Variants in WNT3A observed in about 807,000 individuals in gnomAD.
WNT3A encodes Wnt family member 3A.
A neutral mutation model predicts 37.0 loss-of-function variants in WNT3A; 17 were observed. That is an observed-to-expected ratio of 0.46 (90% CI 0.31 to 0.69). The LOEUF (loss-of-function observed/expected upper bound fraction) is 0.69, where lower values mean the gene tolerates loss of function less well. Among genes scored for constraint, WNT3A ranks in the 30% least tolerant of loss-of-function variants. The probability of loss-of-function intolerance (pLI) is 0.05; values close to 1 mark genes in which losing one functional copy is unlikely to be tolerated. For synonymous variants in WNT3A, 187 were observed against 211.0 expected, an observed-to-expected ratio of 0.89 and a Z score of 0.99; for missense variants, 411 against 510.2, an observed-to-expected ratio of 0.81 and a Z score of 1.87.
Position 228,015,519 on chromosome 1 carries a change from C to T in WNT3A, c.72-7148C>T, listed in dbSNP as rs1306241452. Among the ~76,000 whole-genome samples the T allele has an allele frequency of 7.9e-5, 12 of 152,264 alleles. No individual in the cohort carries two copies. In the East Asian group the frequency reaches 1.5e-3, roughly 20 times the overall value. On this transcript the variant is annotated intron_variant, in intron 1 of 3. Coordinates refer to ENST00000284523, the MANE Select transcript of WNT3A (RefSeq NM_033131.4). The stretch of plus-strand genomic sequence containing the variant: ...TTCCTCATCCGGTGAATCACAGGCT[C>T]GGGGTGCAGGGCATGGGGGCAGGGA...
At chr1:228,030,165 C>T (rs960004627) in intron 2 of WNT3A, among the ~76,000 whole-genome samples, 3 of 151,602 alleles carry the variant, frequency 2.0e-5, no homozygotes, top group Non-Finnish European at 2.9e-5. Flanking sequence ...GAGGCGGAGG[C>T]GGGCAGATCA....
chr1:228,055,170 AAAAAAAAAAATATATATATATATAT>A (rs1323083951), intron 3 of WNT3A, among the ~76,000 whole-genome samples: 3 of 72,770 alleles, frequency 4.1e-5, no homozygotes, highest in Admixed American at 1.7e-4. Flanking sequence ...AAAAAAAAAA[AAAAAAAAAAATATATATATATATAT>A]ATATATATAT....
chr1:228,016,926 G>C lies in WNT3A; in HGVS notation c.72-5741G>C, dbSNP rs116630104. ...GCACTGTGCCATTCACGAGTGATCTGCGTCTGAGACCTAAATGGGTGGGGC... is the reference window on the plus strand; with the variant it reads ...GCACTGTGCCATTCACGAGTGATCTCCGTCTGAGACCTAAATGGGTGGGGC... On this transcript the variant is annotated intron_variant, in intron 1 of 3. Coordinates refer to ENST00000284523, the MANE Select transcript of WNT3A (RefSeq NM_033131.4). Among the ~76,000 whole-genome samples, 653 of 152,304 alleles carry C rather than the reference G, an allele frequency of 4.3e-3. 3 individuals carry two copies. The highest frequency in any genetic ancestry group is 0.024 in the Middle Eastern group (7 of 294).
In WNT3A at chr1:228,050,568, C is replaced by A; in HGVS notation, c.314-88C>A. 1 of 1,472,364 alleles carries A rather than the reference C, an allele frequency of 6.8e-7. No homozygotes were observed. Among genetic ancestry groups the A allele is most frequent in the Non-Finnish European group, 9.0e-7 (1 of 1,108,806 alleles). The allele number at this position is 1,472,364 out of a possible 1,614,324, so 91.2% of individuals were successfully genotyped here. A position where few individuals can be genotyped will look rare whatever the true frequency, so the allele number is the denominator to read the frequency against. On this transcript the variant is annotated intron_variant, in intron 2 of 3. Transcript: ENST00000284523. The surrounding 1 kb of genome is among the most constrained non-coding windows in gnomAD (Gnocchi z 5.0). The stretch of plus-strand genomic sequence containing the variant: ...CCCAACCTCACGAGTTCCTTTATAA[C>A]AATGCAAATGGGCTAAGACCCCTGA...
In WNT3A at chr1:228,060,014, A is replaced by G; in HGVS notation, c.*549A>G. On this transcript the variant is annotated 3_prime_UTR_variant, in exon 4 of 4. Transcript: ENST00000284523. ...GATGAGGCTTCTTCCTGGATGGGGC[A>G]GAGCTTCTCCTGACCAGGGCAAGGC... 8.5e-7 allele frequency: 1 copy of G among 1,172,358 alleles called. No individual in the cohort carries two copies. Among genetic ancestry groups the G allele is most frequent in the South Asian group, 1.6e-5 (1 of 60,848 alleles). 72.6% of individuals were successfully genotyped at this position (1,172,358 alleles called of 1,614,324 possible).
In WNT3A at chr1:228,038,706, T is replaced by C. The variant is rs367991266; in HGVS notation, c.314-11950T>C. ...TCCCAGGTATGTGGTGGGGGTGTGG[T>C]AATCATACAGGGTGCAGCGTGCACG... On this transcript the variant is annotated intron_variant, in intron 2 of 3. Coordinates refer to ENST00000284523, the MANE Select transcript of WNT3A (RefSeq NM_033131.4). This position sits in a 1 kb window ranked among gnomAD's most constrained non-coding sequence, Gnocchi z 5.7. Among the ~76,000 whole-genome samples the C allele has an allele frequency of 1.3e-5, 2 of 152,044 alleles. No individual in the cohort carries two copies. Among genetic ancestry groups the C allele is most frequent in the South Asian group, 4.1e-4 (2 of 4,820 alleles).
chr1:228,054,451 G>A (rs1032435012), intron 3 of WNT3A, among the ~76,000 whole-genome samples: 19 of 151,236 alleles, frequency 1.3e-4, no homozygotes, highest in Admixed American at 2.6e-4. Flanking sequence ...GGTGAAACCC[G>A]GTCTCTACTA....
In WNT3A at chr1:228,050,898, CACA is replaced by C. The variant is rs777410068; in HGVS notation, c.562_564del (p.Asn188del). 1 of 1,551,774 alleles carries C rather than the reference CACA, an allele frequency of 6.4e-7. No homozygotes were observed. Among genetic ancestry groups the C allele is most frequent in the Non-Finnish European group, 8.7e-7 (1 of 1,147,148 alleles). On this transcript the variant is annotated inframe_deletion, in exon 3 of 4. Coordinates refer to ENST00000284523, the MANE Select transcript of WNT3A (RefSeq NM_033131.4). This position sits in a 1 kb window ranked among gnomAD's most constrained non-coding sequence, Gnocchi z 5.0. ...AGATGCCCGCTCAGCCATGAACCGC[CACA>C]ACAACGAGGCTGGGCGCCAGGTAGG... is the stretch of plus-strand genomic sequence containing the variant.
At position 228,059,302 on chromosome 1, in the gene WNT3A, T is replaced by G. The variant is rs1349702366; in HGVS notation, c.896T>G (p.Val299Gly). 6.3e-7 allele frequency: 1 copy of G among 1,585,120 alleles called. No homozygotes were observed. The highest frequency in any genetic ancestry group is 8.5e-7 in the Non-Finnish European group (1 of 1,170,374). Residue 299 changes from valine to glycine, a missense_variant, in exon 4 of 4, where the codon GTC becomes GGC. By Grantham distance (109) the Val-to-Gly change is moderately radical (BLOSUM62 -3). Coordinates refer to ENST00000284523, the MANE Select transcript of WNT3A (RefSeq NM_033131.4). ...GGCACGCGCGACCGCACCTGCAACG[T>G]CAGCTCGCACGGCATCGACGGCTGC... ...SFGTRDRTCN[V>G]SSHGIDGCDL...
At chr1:228,013,065 A>G (rs1428906522) in intron 1 of WNT3A, among the ~76,000 whole-genome samples, 2 of 152,084 alleles carry the variant, frequency 1.3e-5, no homozygotes, top group African/African-American at 4.8e-5. Flanking sequence ...ATTTGTAGAG[A>G]TGGGTTTCTC....
intron 2 of WNT3A, among the ~76,000 whole-genome samples, chr1:228,033,531 G>A (rs2031062605): frequency 6.6e-6 from 1 of 152,130 alleles, no homozygotes; most frequent in Admixed American, 6.5e-5. Flanking sequence ...CCATATGTCT[G>A]TCTTTATGCC....
rs1184943078 is a variant in WNT3A at position 228,037,637 on chromosome 1, C to A, written c.314-13019C>A. 6.6e-6 allele frequency among the ~76,000 whole-genome samples: 1 copy of A among 152,208 alleles called. No homozygotes were observed. Among genetic ancestry groups the A allele is most frequent in the Non-Finnish European group, 1.5e-5 (1 of 68,018 alleles). ...GCCAGGTTGCGACCCCTGACCCCCC[C>A]CATCGGAAAGTGTTGCCGTTTAAGA... is the stretch of plus-strand genomic sequence containing the variant. On this transcript the variant is annotated intron_variant, in intron 2 of 3. Transcript: ENST00000284523. The surrounding 1 kb of genome is among the most constrained non-coding windows in gnomAD (Gnocchi z 4.1).
chr1:228,026,340 T>G (rs113475256), intron 2 of WNT3A, among the ~76,000 whole-genome samples: 5 of 152,322 alleles, frequency 3.3e-5, no homozygotes, highest in African/African-American at 1.2e-4. Flanking sequence ...CAGTGCTATG[T>G]TGAACAGAAA....
chr1:228,060,051 G>A lies in WNT3A; in HGVS notation c.*586G>A, dbSNP rs2031769295. ...GACCAGGGCAAGGCCCCTTCCACGG[G>A]GGCTGTGGCTCTGGGTGGGCGTGGC... On this transcript the variant is annotated 3_prime_UTR_variant, in exon 4 of 4. Transcript: ENST00000284523. The A allele has an allele frequency of 4.2e-6, 5 of 1,189,966 alleles. No homozygotes were observed. The South Asian group carries it at 7.7e-5, about 18-fold the overall frequency. The allele number at this position is 1,189,966 out of a possible 1,614,324, so 73.7% of individuals were successfully genotyped here. A position where few individuals can be genotyped will look rare whatever the true frequency, so the allele number is the denominator to read the frequency against.
chr1:228,058,468 C>T (rs912282241), intron 3 of WNT3A, among the ~76,000 whole-genome samples: 3 of 152,258 alleles, frequency 2.0e-5, no homozygotes, highest in African/African-American at 4.8e-5. Flanking sequence ...GGTCCCCCAA[C>T]AGCCTTATGT....
At chr1:228,014,310 G>A (rs1055375510) in intron 1 of WNT3A, among the ~76,000 whole-genome samples, 3 of 152,174 alleles carry the variant, frequency 2.0e-5, no homozygotes, top group Non-Finnish European at 2.9e-5. Flanking sequence ...AAACAAACAA[G>A]CGAGTAACAG....
chr1:228,060,238 GC>G lies in WNT3A; in HGVS notation c.*775del. ...CCAGAGCAGGAAATTCAGCCCACCA[GC>G]CACCTCATCCCCAACCCCCTGTAAG... is the stretch of plus-strand genomic sequence containing the variant. On this transcript the variant is annotated 3_prime_UTR_variant, in exon 4 of 4. Transcript: ENST00000284523. 7.4e-7 allele frequency: 1 copy of G among 1,351,772 alleles called. No individual in the cohort carries two copies. The allele number at this position is 1,351,772 out of a possible 1,614,324, so 83.7% of individuals were successfully genotyped here. A position where few individuals can be genotyped will look rare whatever the true frequency, so the allele number is the denominator to read the frequency against.
In WNT3A at chr1:228,060,269, C is replaced by T; in HGVS notation, c.*804C>T. ...TCATCCCCAACCCCCTGTAAGGTTC[C>T]ATCCACCCCTGCGTCGAGCTGGGAA... On this transcript the variant is annotated 3_prime_UTR_variant, in exon 4 of 4. Transcript: ENST00000284523. 1 of 1,351,716 alleles carries T rather than the reference C, an allele frequency of 7.4e-7. No individual in the cohort carries two copies. 83.7% of individuals were successfully genotyped at this position (1,351,716 alleles called of 1,614,324 possible).
intron 2 of WNT3A, among the ~76,000 whole-genome samples, chr1:228,043,665 G>A (rs991412284): frequency 6.6e-6 from 1 of 152,220 alleles, no homozygotes; most frequent in Non-Finnish European, 1.5e-5. Context: ...GGCCTCAGGG[G>A]AGCCCTGAGT....
Sources: allele counts gnomAD v4.1 joint callset (sites outside exome capture counted in the v4.1 genomes callset), GRCh38; gene constraint gnomAD v4.1.1; non-coding constraint Gnocchi (gnomAD v3.1); transcripts MANE v1.5; gene names NCBI Gene and HGNC (gene_info 2026-07-23, HGNC 2026-07-21).